ETV7: variants seen among roughly 807,000 people sequenced by gnomAD.
ETV7 encodes the protein transcription factor ETV7.
In ETV7, 43 loss-of-function variants were observed where a neutral mutation model predicts 39.1. That is an observed-to-expected ratio of 1.10 (90% CI 0.86 to 1.42). The LOEUF (loss-of-function observed/expected upper bound fraction) is 1.42, where lower values mean the gene tolerates loss of function less well. Among genes scored for constraint, ETV7 ranks in the 40% most tolerant of loss-of-function variants. ETV7 has a pLI of 0.00. For missense variants in ETV7, 432 were observed against 442.3 expected (o/e 0.98, Z 0.21); for synonymous variants, 196 against 176.6 (o/e 1.11, Z -0.87).
At position 36,367,476 on chromosome 6, in the gene ETV7, AAAGGAAGG is replaced by A. The variant is rs959462996; in HGVS notation, c.808-509_808-502del. On this transcript the variant is annotated intron_variant, in intron 6 of 7. Coordinates refer to ENST00000340181, the MANE Select transcript of ETV7 (RefSeq NM_016135.4). The stretch of plus-strand genomic sequence containing the variant: ...AGAAAGGAAGGAAGGAAGGAAGGCG[AAAGGAAGG>A]AAGGAAGGAAGGAAATGATGGAAAG... Among the ~76,000 whole-genome samples the A allele has an allele frequency of 1.3e-3, 194 of 151,920 alleles. 1 individual carries two copies. The South Asian group carries it at 0.015, about 12-fold the overall frequency.
chr6:36,385,737 T>A, intron 1 of ETV7, 68 bp from the exon 2 acceptor site: 2 of 1,523,778 alleles, frequency 1.3e-6, no homozygotes, highest in Middle Eastern at 1.8e-4. Context: ...TCTTTAAATG[T>A]CTTAAGAATT....
downstream of ETV7, among the ~76,000 whole-genome samples, chr6:36,366,030 C>T (rs1030175756): frequency 3.4e-4 from 52 of 151,956 alleles, no homozygotes; most frequent in African/African-American, 1.2e-3. Context: ...AAAAATTAGC[C>T]GGGTGTGGTG....
In ETV7 at chr6:36,376,007, C is replaced by T. The variant is rs926792372; in HGVS notation, c.171G>A (p.Glu57=). The change falls in exon 3 of 8, where the codon GAG becomes GAA. Residue 57 remains glutamate (E), a synonymous_variant. Coordinates refer to ENST00000340181, the MANE Select transcript of ETV7 (RefSeq NM_016135.4). Reference sequence around the variant, plus strand: ...CCCAGCGCAGCCAGTGCAGCACGTCCTCCCTGCTCCACAGTGCGGGCTGGA... The same window carrying T: ...CCCAGCGCAGCCAGTGCAGCACGTCTTCCCTGCTCCACAGTGCGGGCTGGA... ...LRIQPALWSR[E]DVLHWLRWAE... 1.2e-6 allele frequency: 2 copies of T among 1,608,382 alleles called. No homozygotes were observed. Among genetic ancestry groups the T allele is most frequent in the Non-Finnish European group, 1.7e-6 (2 of 1,179,818 alleles).
downstream of ETV7, among the ~76,000 whole-genome samples, chr6:36,361,283 G>T (rs1313292272): frequency 6.6e-6 from 1 of 152,198 alleles, no homozygotes; most frequent in East Asian, 1.9e-4. Flanking sequence ...GCAGCGCAGG[G>T]CCCTGACACC....
At chr6:36,358,971 G>A (rs1184169373) in intron 7 of ETV7, among the ~76,000 whole-genome samples, 1 of 152,210 alleles carries the variant, frequency 6.6e-6, no homozygotes. Flanking sequence ...GAGACTTTGT[G>A]ATCTCGGTCT....
Position 36,376,017 on chromosome 6 carries a change from C to T in ETV7, c.161G>A (p.Trp54Ter), listed in dbSNP as rs1322864720. 6.2e-7 allele frequency: 1 copy of T among 1,606,344 alleles called. No individual in the cohort carries two copies. Among genetic ancestry groups the T allele is most frequent in the East Asian group, 2.2e-5 (1 of 44,856 alleles). The stretch of plus-strand genomic sequence containing the variant: ...CCAGTGCAGCACGTCCTCCCTGCTC[C>T]ACAGTGCGGGCTGGATGCCTGCAAC... ...PGRLRIQPAL[W>*]SREDVLHWLR... Residue 54 changes from tryptophan (W) to a stop codon, truncating the protein, a stop_gained, in exon 3 of 8, where the codon TGG (tryptophan) becomes TAG (stop). Transcript: ENST00000340181. LOFTEE classifies it high-confidence loss of function.
downstream of ETV7, among the ~76,000 whole-genome samples, chr6:36,364,087 C>T (rs1282876118): frequency 6.6e-6 from 1 of 152,154 alleles, no homozygotes; most frequent in East Asian, 1.9e-4. Context: ...TACAGAGTGC[C>T]GATTGGTGTA....
chr6:36,367,978 C>T (rs1214815011), intron 6 of ETV7, among the ~76,000 whole-genome samples: 1 of 152,172 alleles, frequency 6.6e-6, no homozygotes, highest in African/African-American at 2.4e-5. Flanking sequence ...GGCCTGTTTT[C>T]CTCCCTGTTC....
Position 36,387,664 on chromosome 6 carries a change from A to C in ETV7, c.-123T>G. ...GCCAAACCCCTAACCTGGCTCCGAG[A>C]ACTGGAAGGTCGCGTGGGAGGAAAT... On this transcript the variant is annotated 5_prime_UTR_variant, in exon 1 of 8. Transcript: ENST00000340181. The C allele has an allele frequency of 9.0e-7, 1 of 1,112,868 alleles. No homozygotes were observed. Among genetic ancestry groups the C allele is most frequent in the East Asian group, 2.5e-5 (1 of 39,902 alleles). The allele number at this position is 1,112,868 out of a possible 1,614,324, so 68.9% of individuals were successfully genotyped here.
At chr6:36,359,916 G>C (rs888821715) in intron 7 of ETV7, among the ~76,000 whole-genome samples, 7 of 148,448 alleles carry the variant, frequency 4.7e-5, no homozygotes, top group African/African-American at 1.7e-4. Context: ...TTTTTCTTTT[G>C]AGACCGAGTC....
intron 6 of ETV7, among the ~76,000 whole-genome samples, chr6:36,367,272 G>GTC (rs1266279560): frequency 2.0e-5 from 3 of 152,160 alleles, no homozygotes; most frequent in Admixed American, 1.3e-4. Context: ...GTGAAACCCT[G>GTC]TCTCTACTAA....
intron 5 of ETV7, among the ~76,000 whole-genome samples, chr6:36,370,659 C>T (rs1175651356): frequency 6.6e-6 from 1 of 151,716 alleles, no homozygotes; most frequent in East Asian, 1.9e-4. Context: ...CAAACCTGCA[C>T]ATGCACCCCC....
intron 3 of ETV7, among the ~76,000 whole-genome samples, chr6:36,374,222 G>A (rs1773188815): frequency 6.6e-6 from 1 of 151,962 alleles, no homozygotes; most frequent in African/African-American, 2.4e-5. Context: ...GCTGGGTATG[G>A]TGCGCATATC....
chr6:36,363,510 G>A (rs577504180), downstream of ETV7, among the ~76,000 whole-genome samples: 11 of 152,252 alleles, frequency 7.2e-5, no homozygotes, highest in East Asian at 3.8e-4. Flanking sequence ...GCTGGCTTCA[G>A]GAGTGAAGCT....
At chr6:36,357,675 G>A (rs1044602510) in intron 7 of ETV7, among the ~76,000 whole-genome samples, 1 of 152,150 alleles carries the variant, frequency 6.6e-6, no homozygotes. Context: ...TCAGAAGTTC[G>A]AGACCAGCCT....
chr6:36,375,009 C>T (rs960372852), intron 3 of ETV7, among the ~76,000 whole-genome samples: 1 of 148,006 alleles, frequency 6.8e-6, no homozygotes, highest in Non-Finnish European at 1.5e-5. Flanking sequence ...GCAGAGGTTG[C>T]AGTGAGCCAG....
At chr6:36,369,112 T>C (rs200469691) in intron 5 of ETV7, 41 bp from the exon 6 acceptor site, 1 of 1,611,558 alleles carries the variant, frequency 6.2e-7, no homozygotes, top group Non-Finnish European at 8.5e-7. Flanking sequence ...GCAGCTTTAC[T>C]GGAGCTGTGA....
chr6:36,371,262 A>C, intron 5 of ETV7, 68 bp downstream of exon 5: 1 of 1,438,468 alleles, frequency 7.0e-7, no homozygotes, highest in African/African-American at 1.4e-5. Context: ...CCCTGTCCTC[A>C]TCACTCGTGA....
chr6:36,367,457 G>A (rs1772784840), intron 6 of ETV7, among the ~76,000 whole-genome samples: 1 of 150,982 alleles, frequency 6.6e-6, no homozygotes. Context: ...AGAAAGAAAG[G>A]AAGGAAGGAA....
Sources: gnomAD v4.1 joint callset for allele counts (sites outside exome capture counted in the v4.1 genomes callset) on GRCh38, gnomAD v4.1.1 for gene constraint, MANE v1.5 for transcripts, NCBI Gene and HGNC (gene_info 2026-07-23, HGNC 2026-07-21) for gene names.